STK3: variants seen among roughly 807,000 people sequenced by gnomAD.
The protein encoded by STK3 is serine/threonine-protein kinase 3.
In STK3, 41 loss-of-function variants were observed where a neutral mutation model predicts 58.0. The observed-to-expected ratio is 0.71, with a 90% confidence interval of 0.55 to 0.92. STK3 has a LOEUF of 0.92. Ranked by LOEUF, STK3 falls within the 40% of genes least tolerant of loss-of-function variation. The probability of loss-of-function intolerance (pLI) is 0.00; values close to 1 mark genes in which losing one functional copy is unlikely to be tolerated. For synonymous variants in STK3, 170 were observed against 191.0 expected, an observed-to-expected ratio of 0.89 and a Z score of 0.91; for missense variants, 479 against 602.7, an observed-to-expected ratio of 0.79 and a Z score of 2.15.
chr8:98,494,680 A>AG (rs1822989581), intron 10 of STK3, among the ~76,000 whole-genome samples: 1 of 143,550 alleles, frequency 7.0e-6, no homozygotes, highest in Non-Finnish European at 1.5e-5. Context: ...AAAAAAAAAA[A>AG]GAGAGAGAGA....
chr8:98,862,030 A>T (rs1039282832), intron 3 of STK3, among the ~76,000 whole-genome samples: 12 of 152,208 alleles, frequency 7.9e-5, no homozygotes, highest in African/African-American at 2.7e-4. Context: ...TTCCCACTCA[A>T]ACCTGTGGCC....
chr8:98,723,649 T>C (rs1827599655), intron 4 of STK3, among the ~76,000 whole-genome samples: 2 of 152,190 alleles, frequency 1.3e-5, no homozygotes, highest in South Asian at 4.1e-4. Flanking sequence ...TAATTACTTA[T>C]GCATATAAAA....
At chr8:98,464,734 AC>A (rs1820334304) in intron 10 of STK3, among the ~76,000 whole-genome samples, 1 of 152,090 alleles carries the variant, frequency 6.6e-6, no homozygotes, top group South Asian at 2.1e-4. Flanking sequence ...ATATGCATTT[AC>A]AAAAATAAGA....
intron 10 of STK3, among the ~76,000 whole-genome samples, chr8:98,517,962 A>G (rs1162052515): frequency 1.3e-5 from 2 of 152,118 alleles, no homozygotes; most frequent in Non-Finnish European, 2.9e-5. Context: ...AACATTAGCC[A>G]CAACATATGC....
intron 3 of STK3, among the ~76,000 whole-genome samples, chr8:98,750,725 G>C (rs566019506): frequency 1.3e-5 from 2 of 152,096 alleles, no homozygotes; most frequent in Non-Finnish European, 2.9e-5. Context: ...AAATTGAGGA[G>C]AAGGAAATGC....
chr8:98,592,698 A>C (rs1371947397), intron 7 of STK3, among the ~76,000 whole-genome samples: 1 of 151,984 alleles, frequency 6.6e-6, no homozygotes, highest in Non-Finnish European at 1.5e-5. Context: ...CTTGATAAAA[A>C]GGGAAGAGAT....
At chr8:98,891,129 T>C (rs1023064891) in intron 1 of STK3, among the ~76,000 whole-genome samples, 4 of 152,222 alleles carry the variant, frequency 2.6e-5, no homozygotes, top group Admixed American at 1.3e-4. Flanking sequence ...TGAAGGTCAG[T>C]CTACCAGGGC....
intron 4 of STK3, among the ~76,000 whole-genome samples, chr8:98,745,647 G>C (rs1194770730): frequency 6.6e-6 from 1 of 152,050 alleles, no homozygotes; most frequent in Non-Finnish European, 1.5e-5. Flanking sequence ...ATGGAACAGA[G>C]GCCAAGAGGC....
At chr8:98,860,725 T>C (rs1401229530) in intron 3 of STK3, among the ~76,000 whole-genome samples, 5 of 152,148 alleles carry the variant, frequency 3.3e-5, no homozygotes, top group Admixed American at 6.6e-5. Context: ...AGAGGGACTA[T>C]GGACACTATG....
intron 1 of STK3, among the ~76,000 whole-genome samples, chr8:98,786,308 A>C (rs1352784654): frequency 6.6e-6 from 1 of 152,228 alleles, no homozygotes; most frequent in Non-Finnish European, 1.5e-5. Context: ...ACACTTGAGG[A>C]GGCTGACGTA....
intron 6 of STK3, among the ~76,000 whole-genome samples, chr8:98,654,128 A>C (rs1442981963): frequency 6.6e-6 from 1 of 152,212 alleles, no homozygotes; most frequent in Non-Finnish European, 1.5e-5. Flanking sequence ...CAAAAAGCTT[A>C]TCCACCATGA....
intron 6 of STK3, among the ~76,000 whole-genome samples, chr8:98,679,341 G>C (rs1041232743): frequency 6.6e-6 from 1 of 152,150 alleles, no homozygotes. Context: ...GCTCTGCCTA[G>C]ATATTCTACA....
intron 6 of STK3, among the ~76,000 whole-genome samples, chr8:98,641,437 A>G (rs1820006613): frequency 1.3e-5 from 2 of 152,212 alleles, no homozygotes; most frequent in Non-Finnish European, 1.5e-5. Flanking sequence ...ATTCTTAAAT[A>G]TTAAGACTTT....
rs11985594 is a variant in STK3, at chr8:98,898,315, G to T, written c.-78-14481C>A. Among the ~76,000 whole-genome samples, 1,382 of 152,322 alleles carry T rather than the reference G, an allele frequency of 9.1e-3. 23 individuals are homozygous for T. The highest frequency in any genetic ancestry group is 0.031 in the African/African-American group (1,305 of 41,558). ...AAACAGACTCTGTCGGTCGGGTAGA[G>T]TTTCACAACAAACTCTGTTGAGGCT... On this transcript the variant is annotated intron_variant, in intron 1 of 1. Coordinates refer to the STK3 transcript ENST00000519420.
intron 9 of STK3, among the ~76,000 whole-genome samples, chr8:98,532,040 T>G (rs1346908164): frequency 6.6e-6 from 1 of 152,240 alleles, no homozygotes; most frequent in Non-Finnish European, 1.5e-5. Flanking sequence ...TTTCACTTTC[T>G]TATCATTCAT....
intron 6 of STK3, among the ~76,000 whole-genome samples, chr8:98,616,937 T>G (rs920341574): frequency 3.9e-4 from 59 of 152,224 alleles, no homozygotes; most frequent in African/African-American, 7.0e-4. Flanking sequence ...CCCAGGAATT[T>G]AACTCATCTC....
chr8:98,558,669 AG>A (rs2131622030), intron 8 of STK3, among the ~76,000 whole-genome samples: 2 of 152,216 alleles, frequency 1.3e-5, no homozygotes, highest in East Asian at 3.9e-4. Flanking sequence ...GTCTTTAAAA[AG>A]ATTTTTTTCT....
intron 6 of STK3, among the ~76,000 whole-genome samples, chr8:98,657,537 A>G (rs1821644824): frequency 6.6e-6 from 1 of 152,108 alleles, no homozygotes; most frequent in Non-Finnish European, 1.5e-5. Flanking sequence ...CAAATCTTAT[A>G]AACGCCATGA....
At chr8:98,751,704 G>A (rs1829992662) in intron 3 of STK3, among the ~76,000 whole-genome samples, 1 of 152,168 alleles carries the variant, frequency 6.6e-6, no homozygotes, top group South Asian at 2.1e-4. Flanking sequence ...TGTAAACCCA[G>A]CACTTTGAGA....
Sources: allele counts gnomAD v4.1 joint callset (sites outside exome capture counted in the v4.1 genomes callset), GRCh38; gene constraint gnomAD v4.1.1; transcripts MANE v1.5; gene names NCBI Gene and HGNC (gene_info 2026-07-23, HGNC 2026-07-21).